Variants in IKBIP observed in about 807,000 individuals in gnomAD.
The protein encoded by IKBIP is IKBKB interacting protein.
A neutral mutation model predicts 31.0 loss-of-function variants in IKBIP; 28 were observed. That is an observed-to-expected ratio of 0.90 (90% confidence interval 0.67 to 1.24). IKBIP has a LOEUF of 1.24. Ranked by LOEUF, IKBIP falls within the 50% of genes most tolerant of loss-of-function variation. The pLI is 0.00. For missense variants in IKBIP, 453 were observed against 441.9 expected, an observed-to-expected ratio of 1.03 and a Z score of -0.23; for synonymous variants, 164 against 160.3, an observed-to-expected ratio of 1.02 and a Z score of -0.17.
chr12:98,631,704 C>T (rs1029573083), intron 2 of IKBIP, among the ~76,000 whole-genome samples: 2 of 141,708 alleles, frequency 1.4e-5, no homozygotes, highest in African/African-American at 2.6e-5. Context: ...ACCCGGGAGG[C>T]GGAGGTTGCA....
Position 98,626,352 on chromosome 12 carries a change from T to C in IKBIP, c.712A>G (p.Ile238Val), listed in dbSNP as rs146897949. The C allele has an allele frequency of 1.9e-6, 3 of 1,614,050 alleles. No individual in the cohort carries two copies. The highest frequency in any genetic ancestry group is 1.3e-5 in the African/African-American group (1 of 74,948). The stretch of plus-strand genomic sequence containing the variant: ...TGCTGTTCCTCTTCTAACTTTTCAA[T>C]TGCCTTTGTATCAGAGCCTAGCTGC... Reference protein sequence around the residue: ...EEQLGSDTKAIEKLEEEQHAL... With the variant: ...EEQLGSDTKAVEKLEEEQHAL... The change falls in exon 3 of 3, where the codon ATT becomes GTT. Residue 238 changes from isoleucine to valine, a missense_variant. Transcript: ENST00000299157.
chr12:98,644,689 T>C lies in IKBIP; in HGVS notation c.13A>G (p.Lys5Glu). The change falls in exon 1 of 3, where the codon AAG (lysine) becomes GAG (glutamate). Residue 5 changes from lysine (K) to glutamate (E), a missense_variant. Physicochemically the swap from Lys to Glu is moderately conservative, Grantham distance 56. Coordinates refer to ENST00000299157, the MANE Select transcript of IKBIP (RefSeq NM_153687.4). The part of the protein sequence containing the change: MSEV[K>E]SRKKSGPKGA... ...TTGGGCCCCGACTTCTTCCGGCTCT[T>C]CACCTCAGACATGTCTGGAGACCCT... 6.2e-7 allele frequency: 1 copy of C among 1,610,382 alleles called. No individual in the cohort carries two copies. The highest frequency in any genetic ancestry group is 8.5e-7 in the Non-Finnish European group (1 of 1,179,046).
chr12:98,626,716 C>T lies in IKBIP; in HGVS notation c.348G>A (p.Leu116=). 6.2e-7 allele frequency: 1 copy of T among 1,613,708 alleles called. No homozygotes were observed. The highest frequency in any genetic ancestry group is 8.5e-7 in the Non-Finnish European group (1 of 1,179,888). Reference sequence around the variant, plus strand: ...ATACTTCCTGCTCAAACTGGGTCATCAAAGACATGGATGATGTAGCTTCCT... The same window carrying T: ...ATACTTCCTGCTCAAACTGGGTCATTAAAGACATGGATGATGTAGCTTCCT... ...ILQEATSSMS[L]MTQFEQEVSN... The change falls in exon 3 of 3, where the codon TTG becomes TTA. Residue 116 remains leucine (L), a synonymous_variant. Transcript: ENST00000299157.
intron 2 of IKBIP, among the ~76,000 whole-genome samples, chr12:98,614,762 C>G (rs938923958): frequency 1.3e-5 from 2 of 152,120 alleles, no homozygotes; most frequent in African/African-American, 4.8e-5. Context: ...CTTTACTGTT[C>G]TTCTGGAAAG....
At chr12:98,634,490 A>C (rs1592998147) in intron 1 of IKBIP, 77 bp from the exon 2 acceptor site, 4 of 709,112 alleles carry the variant, frequency 5.6e-6, no homozygotes, top group Non-Finnish European at 7.3e-6. Flanking sequence ...AATTATACCC[A>C]CTTCTGTTAA....
chr12:98,637,241 TAAGAAAA>T (rs1278233332), intron 1 of IKBIP, among the ~76,000 whole-genome samples: 3 of 152,044 alleles, frequency 2.0e-5, no homozygotes, highest in Non-Finnish European at 4.4e-5. Flanking sequence ...ACGGTGCATA[TAAGAAAA>T]AAGTACAAAG....
chr12:98,643,396 T>C (rs1490335900), intron 1 of IKBIP, among the ~76,000 whole-genome samples: 1 of 152,158 alleles, frequency 6.6e-6, no homozygotes, highest in African/African-American at 2.4e-5. Flanking sequence ...ACAACAGTCT[T>C]ACTAAATAAC....
Position 98,625,818 on chromosome 12 carries a change from A to T in IKBIP, c.*112T>A. 3 of 898,174 alleles carry T rather than the reference A, an allele frequency of 3.3e-6. No homozygotes were observed. The highest frequency in any genetic ancestry group is 4.6e-6 in the Non-Finnish European group (3 of 657,922). 55.6% of individuals were successfully genotyped at this position (898,174 alleles called of 1,614,324 possible). A position where few individuals can be genotyped will look rare whatever the true frequency, so the allele number is the denominator to read the frequency against. ...GATAATCCATTTGTGTGGACATCTC[A>T]TTTATTTTCCAATAATGTAGGATAA... On this transcript the variant is annotated 3_prime_UTR_variant, in exon 3 of 3. Coordinates refer to ENST00000299157, the MANE Select transcript of IKBIP (RefSeq NM_153687.4).
At chr12:98,632,912 G>A (rs1046854174) in intron 2 of IKBIP, among the ~76,000 whole-genome samples, 6 of 152,074 alleles carry the variant, frequency 3.9e-5, no homozygotes, top group African/African-American at 1.4e-4. Flanking sequence ...ACAGGCATGA[G>A]CCACTACGCC....
At chr12:98,618,649 A>T (rs1592988046) in intron 2 of IKBIP, among the ~76,000 whole-genome samples, 1 of 148,558 alleles carries the variant, frequency 6.7e-6, no homozygotes, top group East Asian at 2.1e-4. Flanking sequence ...AAAATTTGAG[A>T]TGGGGGTCTC....
At chr12:98,632,730 T>C (rs2097622166) in intron 2 of IKBIP, among the ~76,000 whole-genome samples, 2 of 149,014 alleles carry the variant, frequency 1.3e-5, no homozygotes, top group Admixed American at 1.4e-4. Context: ...GTTCAAGCAA[T>C]TCTCATACAT....
intron 2 of IKBIP, among the ~76,000 whole-genome samples, chr12:98,618,290 T>C (rs536335438): frequency 6.6e-6 from 1 of 152,242 alleles, no homozygotes; most frequent in East Asian, 1.9e-4. Flanking sequence ...CTAAAATAAT[T>C]GTGTATTTCT....
chr12:98,626,468 G>A lies in IKBIP; in HGVS notation c.596C>T (p.Thr199Ile). The A allele has an allele frequency of 6.2e-7, 1 of 1,613,266 alleles. No individual in the cohort carries two copies. Among genetic ancestry groups the A allele is most frequent in the Non-Finnish European group, 8.5e-7 (1 of 1,180,010 alleles). ...NSAEQEIKLL[T>I]ERLKDLEDST... ...ATCTTCCAAATCTTTTAGCCGTTCA[G>A]TGAGCAATTTTATTTCCTGCTCAGC... The change falls in exon 3 of 3, where the codon ACT becomes ATT. Residue 199 changes from threonine (T) to isoleucine (I), a missense_variant. Transcript: ENST00000299157.
At position 98,625,096 on chromosome 12, in the gene IKBIP, G is replaced by C. The variant is rs1054744088; in HGVS notation, c.*834C>G. The stretch of plus-strand genomic sequence containing the variant: ...TAGGATTACAGGTGTGAGCCACTGC[G>C]CCTGGCCTATTTAAGTAAACCATCT... On this transcript the variant is annotated 3_prime_UTR_variant, in exon 3 of 3. Transcript: ENST00000299157. 3.0e-5 allele frequency: 29 copies of C among 981,882 alleles called. No individual in the cohort carries two copies. The highest frequency in any genetic ancestry group is 3.5e-5 in the African/African-American group (2 of 57,252). 60.8% of individuals were successfully genotyped at this position (981,882 alleles called of 1,614,324 possible).
rs71931367 is a variant in IKBIP at position 98,640,441 on chromosome 12, T to TCAAAACAAAA, written c.179+4072_179+4081dup. ...GGCAACAAGAGCAAAACTCCATCTC[T>TCAAAACAAAA]CAAAACAAAACAAAACAAAACAAAA... is the stretch of plus-strand genomic sequence containing the variant. On this transcript the variant is annotated intron_variant, in intron 1 of 2. Transcript: ENST00000299157. Among the ~76,000 whole-genome samples, 228 of 149,176 alleles carry TCAAAACAAAA rather than the reference T, an allele frequency of 1.5e-3. 1 individual carries two copies. Among genetic ancestry groups the TCAAAACAAAA allele is most frequent in the African/African-American group, 5.3e-3 (212 of 40,124 alleles).
intron 2 of IKBIP, among the ~76,000 whole-genome samples, chr12:98,615,021 G>T (rs1325669645): frequency 5.9e-5 from 9 of 152,162 alleles, no homozygotes; most frequent in African/African-American, 2.2e-4. Context: ...TGCTAGGTGA[G>T]ACAAGGCAAC....
intron 1 of IKBIP, among the ~76,000 whole-genome samples, chr12:98,639,141 A>C (rs886426844): frequency 2.0e-5 from 3 of 151,998 alleles, no homozygotes; most frequent in African/African-American, 7.3e-5. Flanking sequence ...CCTGGGTTCA[A>C]GTGATTCTTC....
chr12:98,616,165 C>T (rs2097606189), intron 2 of IKBIP, among the ~76,000 whole-genome samples: 1 of 151,718 alleles, frequency 6.6e-6, no homozygotes, highest in Non-Finnish European at 1.5e-5. Context: ...TATCTTTTGT[C>T]TTTTTGATAA....
downstream of IKBIP, among the ~76,000 whole-genome samples, chr12:98,620,390 G>A (rs1427174144): frequency 1.3e-5 from 2 of 149,474 alleles, no homozygotes; most frequent in Admixed American, 6.7e-5. Context: ...TTTTTGAGAC[G>A]GAGTCTTGCT....
Sources: gnomAD v4.1 joint callset for allele counts (sites outside exome capture counted in the v4.1 genomes callset) on GRCh38, gnomAD v4.1.1 for gene constraint, MANE v1.5 for transcripts, NCBI Gene and HGNC (gene_info 2026-07-23, HGNC 2026-07-21) for gene names.